Variants in DHX8 observed in about 807,000 individuals in gnomAD.
DHX8 encodes the protein DEAH-box helicase 8.
A neutral mutation model predicts 140.7 loss-of-function variants in DHX8; 67 were observed. The observed-to-expected ratio is 0.48, with a 90% CI of 0.39 to 0.58. The LOEUF (loss-of-function observed/expected upper bound fraction) is 0.58. Ranked by LOEUF, DHX8 falls within the 20% of genes least tolerant of loss-of-function variation. The probability of loss-of-function intolerance (pLI) is 0.00; values close to 1 mark genes in which losing one functional copy is unlikely to be tolerated. For synonymous variants in DHX8, 533 were observed against 553.2 expected (o/e 0.96, Z 0.51); for missense variants, 887 against 1,550.7 (o/e 0.57, Z 7.19).
chr17:43,523,075 AAAAAG>A (rs1284928896), intron 22 of DHX8, among the ~76,000 whole-genome samples: 8 of 151,952 alleles, frequency 5.3e-5, no homozygotes, highest in Non-Finnish European at 8.8e-5. Context: ...AAAAAAAAAA[AAAAAG>A]AAAGAAAAAA....
intron 10 of DHX8, 110 bp from the exon 11 acceptor site, chr17:43,499,846 T>G: frequency 1.6e-6 from 2 of 1,218,052 alleles, no homozygotes; most frequent in Admixed American, 4.2e-5. Context: ...GTTACATTGA[T>G]AAGAACTTTA....
chr17:43,500,784 G>A (rs571967123), intron 11 of DHX8, among the ~76,000 whole-genome samples: 48 of 151,342 alleles, frequency 3.2e-4, no homozygotes, highest in African/African-American at 1.1e-3. Context: ...GGTGGTGCGC[G>A]CCTGTAGTCC....
Position 43,484,027 on chromosome 17 carries a change from A to G in DHX8, c.-11A>G, listed in dbSNP as rs1222172153. The G allele has an allele frequency of 1.2e-6, 2 of 1,613,944 alleles. No homozygotes were observed. The highest frequency in any genetic ancestry group is 3.3e-5 in the Admixed American group (2 of 59,974). On this transcript the variant is annotated 5_prime_UTR_variant, in exon 1 of 23. Transcript: ENST00000262415. ...GGCTGTGAGGAAGGAGGTTCTGGGC[A>G]AGCTATAGCCATGGCTGTGGCTGTA...
intron 12 of DHX8, among the ~76,000 whole-genome samples, 180 bp downstream of exon 12, chr17:43,505,005 G>A (rs778138037): frequency 3.9e-5 from 6 of 152,108 alleles, no homozygotes; most frequent in Admixed American, 6.6e-5. Context: ...GGCTGGGCGC[G>A]GTAGTGGATG....
intron 18 of DHX8, chr17:43,519,455 T>C (rs1254002486): frequency 6.6e-6 from 1 of 152,206 alleles, no homozygotes; most frequent in Non-Finnish European, 1.5e-5. Context: ...TTTTTTAAAT[T>C]GAGTTGTTTG....
rs372420863 is a variant in DHX8 at position 43,504,355 on chromosome 17, C to T, written c.1547-289C>T. Among the ~76,000 whole-genome samples the T allele has an allele frequency of 9.2e-5, 14 of 152,132 alleles. No homozygotes were observed. In the East Asian group the frequency reaches 1.4e-3, roughly 15 times the overall value. ...CTTGGATGACAGAGCAAGACCCTAC[C>T]TAAAAAAAAATAATTCCAGTGTCAA... is the stretch of plus-strand genomic sequence containing the variant. On this transcript the variant is annotated intron_variant, in intron 11 of 22. Transcript: ENST00000262415.
At chr17:43,495,065 C>T (rs181536388) in intron 8 of DHX8, among the ~76,000 whole-genome samples, 129 of 152,142 alleles carry the variant, frequency 8.5e-4, no homozygotes, top group African/African-American at 3.0e-3. Context: ...TCTCCCACCT[C>T]GGCCTCCCAA....
At chr17:43,492,146 T>C in intron 4 of DHX8, 37 bp from the exon 5 acceptor site, 1 of 1,505,032 alleles carries the variant, frequency 6.6e-7, no homozygotes, top group South Asian at 1.1e-5. Context: ...TCTTGAGTAG[T>C]TTTTTTTCCT....
chr17:43,539,625 A>C (rs1364001482), intron 3 of DHX8, among the ~76,000 whole-genome samples: 1 of 152,218 alleles, frequency 6.6e-6, no homozygotes, highest in Non-Finnish European at 1.5e-5. Flanking sequence ...TACATGAATA[A>C]ACATGCAATA....
At chr17:43,530,503 G>A, downstream of DHX8, 2 of 1,156,088 alleles carry the variant, frequency 1.7e-6, no homozygotes, top group South Asian at 1.8e-5. Context: ...GAGGGAGGGT[G>A]AGATGAACGT....
rs1396223176 is a variant in DHX8, at chr17:43,543,908, G to A, written c.*21-254G>A. The A allele has an allele frequency of 3.9e-5, 6 of 152,006 alleles. 1 individual carries two copies. The highest frequency in any genetic ancestry group is 3.9e-4 in the Admixed American group (6 of 15,252). 9.4% of individuals were successfully genotyped at this position (152,006 alleles called of 1,614,324 possible). On this transcript the variant is annotated intron_variant, in intron 3 of 3. Coordinates refer to the DHX8 transcript ENST00000589898. Reference sequence around the variant, plus strand: ...GTCTCACTCCAAGGATCTAGTCAGGGGTCATTTTCTTTTTACTCCGAGCTT... The same window carrying A: ...GTCTCACTCCAAGGATCTAGTCAGGAGTCATTTTCTTTTTACTCCGAGCTT...
chr17:43,492,033 T>C, intron 4 of DHX8, 150 bp from the exon 5 acceptor site: 1 of 606,436 alleles, frequency 1.6e-6, no homozygotes. Flanking sequence ...TTTTTCCATT[T>C]CTTCTGCATC....
chr17:43,541,802 T>C (rs1279405138), intron 3 of DHX8, among the ~76,000 whole-genome samples: 1 of 152,014 alleles, frequency 6.6e-6, no homozygotes, highest in African/African-American at 2.4e-5. Flanking sequence ...TCACTAGTTG[T>C]GGAGGGGACA....
At chr17:43,503,174 G>A (rs891086490) in intron 11 of DHX8, among the ~76,000 whole-genome samples, 7 of 151,962 alleles carry the variant, frequency 4.6e-5, no homozygotes, top group East Asian at 1.9e-4. Context: ...ACCAAGCTGG[G>A]CAATGTGGTG....
At chr17:43,531,533 G>A (rs1304983583), downstream of DHX8, among the ~76,000 whole-genome samples, 6 of 152,034 alleles carry the variant, frequency 3.9e-5, no homozygotes, top group Non-Finnish European at 7.4e-5. Flanking sequence ...GTGAAACCCC[G>A]TCTCTACTAA....
Position 43,493,606 on chromosome 17 carries a change from G to T in DHX8, c.1008+17G>T. On this transcript the variant is annotated intron_variant, in intron 7 of 22. Transcript: ENST00000262415. ...AGCATGAAGGTAGGTGAGATGGTCA[G>T]CCTGTTCTTACATGTGATGGCCAAG... The T allele has an allele frequency of 3.1e-6, 5 of 1,614,210 alleles. No individual in the cohort carries two copies. Among genetic ancestry groups the T allele is most frequent in the Non-Finnish European group, 4.2e-6 (5 of 1,180,006 alleles).
At chr17:43,491,070 A>T (rs986807703) in intron 3 of DHX8, 95 bp from the exon 4 acceptor site, 34 of 508,944 alleles carry the variant, frequency 6.7e-5, no homozygotes, top group Non-Finnish European at 1.0e-4. Flanking sequence ...TTTCAGTTTG[A>T]TACAAATCTA....
rs1258491220 is a variant in DHX8, at chr17:43,511,479, A to G, written c.2503-1883A>G. On this transcript the variant is annotated intron_variant, in intron 16 of 22. Coordinates refer to ENST00000262415, the MANE Select transcript of DHX8 (RefSeq NM_004941.3). Reference sequence around the variant, plus strand: ...GCATTTTTTTTTTTTTTTTTTTGAGACAGAGTCTTTCTCTGTCATCCAGGC... The same window carrying G: ...GCATTTTTTTTTTTTTTTTTTTGAGGCAGAGTCTTTCTCTGTCATCCAGGC... Among the ~76,000 whole-genome samples, 6 of 1,052 alleles carry G rather than the reference A, an allele frequency of 5.7e-3. 2 individuals carry two copies. In the South Asian group the frequency reaches 0.14, roughly 25 times the overall value. The allele number at this position is 1,052 out of a possible 152,430, so 0.7% of individuals were successfully genotyped here.
downstream of DHX8, chr17:43,526,543 A>G (rs1164057870): frequency 2.0e-6 from 3 of 1,535,590 alleles, no homozygotes; most frequent in Non-Finnish European, 2.6e-6. Flanking sequence ...TCATTGGAGC[A>G]GTGCCTCTCC....
Sources: allele counts gnomAD v4.1 joint callset (sites outside exome capture counted in the v4.1 genomes callset), GRCh38; gene constraint gnomAD v4.1.1; transcripts MANE v1.5; gene names NCBI Gene and HGNC (gene_info 2026-07-23, HGNC 2026-07-21).